Variants in ASPRV1 observed in about 807,000 individuals in gnomAD.
ASPRV1 encodes the protein retroviral-like aspartic protease 1.
ASPRV1 carries 7 observed loss-of-function variants against 11.0 expected under a neutral mutation model. The observed-to-expected ratio is 0.64, with a 90% CI of 0.36 to 1.20. ASPRV1 has a LOEUF of 1.20. ASPRV1 is among the 50% of genes most tolerant of loss of function. ASPRV1 has a pLI of 0.02. For missense variants in ASPRV1, 299 were observed against 320.0 expected (o/e 0.93, Z 0.50); for synonymous variants, 136 against 138.4 (o/e 0.98, Z 0.12).
chr2:69,960,942 A>G lies in ASPRV1; in HGVS notation c.495T>C (p.Ala165=), dbSNP rs1001647646. 5 of 1,613,892 alleles carry G rather than the reference A, an allele frequency of 3.1e-6. No homozygotes were observed. Among genetic ancestry groups the G allele is most frequent in the Non-Finnish European group, 3.4e-6 (4 of 1,179,990 alleles). The change falls in exon 1 of 1, where the codon GCT becomes GCC. Residue 165 remains alanine, a synonymous_variant. Transcript: ENST00000320256. The part of the protein sequence containing the change: ...FENVVKVANG[A]EMKILGVWDT... Reference sequence around the variant, plus strand: ...CCCAGACACCCAGGATCTTCATTTCAGCACCATTGGCCACCTTTACCACAT... The same window carrying G: ...CCCAGACACCCAGGATCTTCATTTCGGCACCATTGGCCACCTTTACCACAT...
chr2:69,987,776 T>C, the ASPRV1 span, among the ~76,000 whole-genome samples: 2 of 152,040 alleles, frequency 1.3e-5, no homozygotes, highest in African/African-American at 4.8e-5. Flanking sequence ...AAATAAAGGA[T>C]GGTTGTCTCA....
chr2:70,074,072 T>G, the ASPRV1 span, among the ~76,000 whole-genome samples: 2 of 128,040 alleles, frequency 1.6e-5, no homozygotes, highest in African/African-American at 6.1e-5. Context: ...AGGCGGAGCT[T>G]GCAGTGAGCC....
chr2:70,076,926 C>T, the ASPRV1 span, among the ~76,000 whole-genome samples: 1 of 152,178 alleles, frequency 6.6e-6, no homozygotes, highest in African/African-American at 2.4e-5. Flanking sequence ...ATGGCTTTTG[C>T]ATCATCGTAA....
At chr2:69,936,821 AC>A in the ASPRV1 span, among the ~76,000 whole-genome samples, 86 of 152,334 alleles carry the variant, frequency 5.6e-4, no homozygotes, top group South Asian at 1.0e-3. Flanking sequence ...ACTTGAATAA[AC>A]ATAGTTTTAA....
At chr2:69,979,647 C>A in the ASPRV1 span, among the ~76,000 whole-genome samples, 3 of 152,138 alleles carry the variant, frequency 2.0e-5, no homozygotes, top group African/African-American at 7.2e-5. Flanking sequence ...AGTGACAGGC[C>A]CCTTGCCTGT....
At chr2:70,062,729 G>A in the ASPRV1 span, among the ~76,000 whole-genome samples, 1 of 152,256 alleles carries the variant, frequency 6.6e-6, no homozygotes, top group East Asian at 1.9e-4. Flanking sequence ...GTTCAGTGCT[G>A]TAGTGTGCTA....
chr2:70,057,544 T>C, the ASPRV1 span, among the ~76,000 whole-genome samples: 1 of 151,898 alleles, frequency 6.6e-6, no homozygotes, highest in South Asian at 2.1e-4. Flanking sequence ...AGTGGTGTGA[T>C]CTCGGCTCAC....
At chr2:69,940,890 G>A in the ASPRV1 span, 4,455 of 152,718 alleles carry the variant, frequency 0.029, 433 homozygotes, top group Admixed American at 0.2. Context: ...CGCCCCGTGC[G>A]GCTGATCGGC....
At chr2:69,972,546 C>T in the ASPRV1 span, among the ~76,000 whole-genome samples, 6 of 151,944 alleles carry the variant, frequency 3.9e-5, no homozygotes, top group African/African-American at 1.2e-4. Flanking sequence ...TTAGTAGAGA[C>T]GGGGTTTCAC....
the ASPRV1 span, among the ~76,000 whole-genome samples, chr2:70,022,602 A>G: frequency 6.6e-6 from 1 of 152,186 alleles, no homozygotes; most frequent in Non-Finnish European, 1.5e-5. Context: ...AAGTGGGAGC[A>G]TCATTTGAGC....
At chr2:69,980,165 C>T in the ASPRV1 span, among the ~76,000 whole-genome samples, 1 of 152,262 alleles carries the variant, frequency 6.6e-6, no homozygotes, top group South Asian at 2.1e-4. Flanking sequence ...GGATGCAGCA[C>T]CAGTCACAGC....
At chr2:69,984,225 G>C in the ASPRV1 span, among the ~76,000 whole-genome samples, 9 of 152,072 alleles carry the variant, frequency 5.9e-5, no homozygotes, top group African/African-American at 2.2e-4. Flanking sequence ...TTTTAGTAGA[G>C]ACGAGGTTTC....
the ASPRV1 span, among the ~76,000 whole-genome samples, chr2:69,933,219 A>AC: frequency 6.6e-6 from 1 of 150,652 alleles, no homozygotes; most frequent in African/African-American, 2.4e-5. Flanking sequence ...AAAAAAAAAA[A>AC]AAAAACAAAA....
At chr2:69,987,671 G>A in the ASPRV1 span, among the ~76,000 whole-genome samples, 1 of 152,054 alleles carries the variant, frequency 6.6e-6, no homozygotes, top group East Asian at 1.9e-4. Context: ...GATCACTTGA[G>A]CCCATGAGTT....
chr2:70,058,658 T>A, the ASPRV1 span, among the ~76,000 whole-genome samples: 1 of 151,774 alleles, frequency 6.6e-6, no homozygotes, highest in Admixed American at 6.6e-5. Flanking sequence ...GTTCAGGCGA[T>A]TCTCCTGCCT....
chr2:70,077,537 G>A, the ASPRV1 span, among the ~76,000 whole-genome samples: 30 of 152,146 alleles, frequency 2.0e-4, no homozygotes, highest in African/African-American at 7.0e-4. Flanking sequence ...AAATAAAGCA[G>A]AGATAAATAG....
At chr2:70,021,011 C>G in the ASPRV1 span, among the ~76,000 whole-genome samples, 1 of 152,116 alleles carries the variant, frequency 6.6e-6, no homozygotes, top group African/African-American at 2.4e-5. Context: ...TTTACCACAG[C>G]TTTTTAAATT....
At chr2:70,043,124 G>A in the ASPRV1 span, among the ~76,000 whole-genome samples, 1 of 152,110 alleles carries the variant, frequency 6.6e-6, no homozygotes, top group Non-Finnish European at 1.5e-5. Flanking sequence ...AGTCAACTAG[G>A]AAGGGTCTCT....
chr2:69,977,490 C>G, the ASPRV1 span, among the ~76,000 whole-genome samples: 3 of 152,188 alleles, frequency 2.0e-5, no homozygotes, highest in Admixed American at 6.5e-5. Context: ...CCTCATGTTC[C>G]AAACCCAAGA....
Sources: allele counts gnomAD v4.1 joint callset (sites outside exome capture counted in the v4.1 genomes callset), GRCh38; gene constraint gnomAD v4.1.1; transcripts MANE v1.5; gene names NCBI Gene and HGNC (gene_info 2026-07-23, HGNC 2026-07-21).